The following MEGF10 variants were observed in gnomAD, a reference collection of about 807,000 sequenced individuals.
MEGF10 encodes multiple EGF like domains 10, also known as multiple epidermal growth factor-like domains protein 10.
MEGF10 carries 86 observed loss-of-function variants against 147.5 expected under a neutral mutation model. That is an observed-to-expected ratio of 0.58 (90% CI 0.49 to 0.70). The LOEUF (loss-of-function observed/expected upper bound fraction) is 0.70, where lower values mean the gene tolerates loss of function less well. Among genes scored for constraint, MEGF10 ranks in the 30% least tolerant of loss-of-function variants. The pLI, the probability that MEGF10 is intolerant of heterozygous loss-of-function variation, is 0.00. For missense variants in MEGF10, 1,329 were observed against 1,487.3 expected, an observed-to-expected ratio of 0.89 and a Z score of 1.75; for synonymous variants, 478 against 525.5, an observed-to-expected ratio of 0.91 and a Z score of 1.24.
At chr5:127,247,387 A>G in the MEGF10 span, among the ~76,000 whole-genome samples, 923 of 25,858 alleles carry the variant, frequency 0.036, 82 homozygotes, top group African/African-American at 0.052. Context: ...GAAGAAGAAG[A>G]AGAAGAAGAA....
intron 4 of MEGF10, among the ~76,000 whole-genome samples, chr5:127,345,304 T>C (rs988657753): frequency 5.9e-5 from 9 of 152,146 alleles, no homozygotes; most frequent in Non-Finnish European, 8.8e-5. Context: ...CAGATTCTGA[T>C]TCCATGGGTC....
chr5:127,381,368 GA>G (rs61705673), intron 5 of MEGF10, among the ~76,000 whole-genome samples: 5,264 of 152,298 alleles, frequency 0.035, 306 homozygotes, highest in African/African-American at 0.12. Flanking sequence ...ACAGGGAGCA[GA>G]AATATTAGAT....
the MEGF10 span, among the ~76,000 whole-genome samples, chr5:127,282,553 T>C: frequency 6.6e-6 from 1 of 152,236 alleles, no homozygotes; most frequent in Non-Finnish European, 1.5e-5. Flanking sequence ...CTGTGTCCAG[T>C]ATAGTTTATT....
chr5:127,370,280 A>T (rs1299363823), intron 5 of MEGF10, among the ~76,000 whole-genome samples: 1 of 152,226 alleles, frequency 6.6e-6, no homozygotes, highest in Non-Finnish European at 1.5e-5. Context: ...TTTCTAGAGT[A>T]GGGTCCACAA....
At chr5:127,415,179 C>A (rs773762821) in intron 9 of MEGF10, among the ~76,000 whole-genome samples, 1 of 152,070 alleles carries the variant, frequency 6.6e-6, no homozygotes, top group Non-Finnish European at 1.5e-5. Flanking sequence ...TAGGCAGTGG[C>A]CAGATGATGA....
intron 3 of MEGF10, 54 bp from the exon 4 acceptor site, chr5:127,340,476 C>A: frequency 7.2e-7 from 1 of 1,385,088 alleles, no homozygotes; most frequent in South Asian, 1.2e-5. Context: ...GTTTGAAATA[C>A]TTTGCTTTTC....
At chr5:127,361,953 G>C (rs1482512979) in intron 4 of MEGF10, among the ~76,000 whole-genome samples, 1 of 152,014 alleles carries the variant, frequency 6.6e-6, no homozygotes, top group African/African-American at 2.4e-5. Flanking sequence ...AATATAACTT[G>C]ATTATTGTTC....
the MEGF10 span, among the ~76,000 whole-genome samples, chr5:127,269,989 A>C: frequency 6.6e-6 from 1 of 152,236 alleles, no homozygotes; most frequent in Non-Finnish European, 1.5e-5. Context: ...ACTAAGCTTC[A>C]TAAGTGAAGG....
chr5:127,301,388 G>T (rs1310953933), intron 1 of MEGF10, among the ~76,000 whole-genome samples: 1 of 151,738 alleles, frequency 6.6e-6, no homozygotes, highest in Non-Finnish European at 1.5e-5. Flanking sequence ...GAAAATAGGA[G>T]CATTTTTTTT....
At chr5:127,356,655 T>C (rs2126831313) in intron 4 of MEGF10, among the ~76,000 whole-genome samples, 1 of 152,342 alleles carries the variant, frequency 6.6e-6, no homozygotes, top group South Asian at 2.1e-4. Context: ...AAAGGAAATA[T>C]GCCACCATGA....
intron 2 of MEGF10, among the ~76,000 whole-genome samples, chr5:127,332,300 T>C (rs1196330607): frequency 6.6e-6 from 1 of 151,402 alleles, no homozygotes; most frequent in Non-Finnish European, 1.5e-5. Flanking sequence ...GCAAGTGTTT[T>C]AAACAAAGAG....
intron 5 of MEGF10, among the ~76,000 whole-genome samples, chr5:127,387,782 G>A (rs1303218434): frequency 6.6e-6 from 1 of 152,176 alleles, no homozygotes; most frequent in Non-Finnish European, 1.5e-5. Flanking sequence ...TAAAATAGCT[G>A]CATAATGTCC....
At chr5:127,447,124 T>C (rs1765963200) in intron 20 of MEGF10, among the ~76,000 whole-genome samples, 1 of 152,184 alleles carries the variant, frequency 6.6e-6, no homozygotes, top group African/African-American at 2.4e-5. Context: ...AGGAGGAGAT[T>C]CTGCCCAGCT....
the MEGF10 span, among the ~76,000 whole-genome samples, chr5:127,247,393 AAGAAGAAGAAGAAG>A: frequency 2.8e-5 from 1 of 36,230 alleles, no homozygotes; most frequent in Non-Finnish European, 5.4e-5. Context: ...GAAGAAGAAG[AAGAAGAAGAAGAAG>A]AAGAAGAAGA....
the MEGF10 span, among the ~76,000 whole-genome samples, chr5:127,264,101 A>G: frequency 6.2e-4 from 95 of 152,248 alleles, no homozygotes; most frequent in East Asian, 4.2e-3. Flanking sequence ...TCCCTTTTCA[A>G]TTTAGGCCCA....
Position 127,410,526 on chromosome 5 carries a change from C to T in MEGF10, c.1055C>T (p.Ala352Val), listed in dbSNP as rs373605999. Residue 352 changes from alanine to valine, a missense_variant, in exon 9 of 25, where the codon GCA becomes GTA. Physicochemically the swap from Ala to Val is moderately conservative, Grantham distance 64. Around this residue, in one of 3 missense-constraint regions of MEGF10, gnomAD observed 980 missense variants for 1,085.9 expected, o/e 0.90. Coordinates refer to ENST00000503335, the MANE Select transcript of MEGF10 (RefSeq NM_001256545.2). ...EAGFAGERCE[A>V]RLCPEGLYGI... ...GGCTTTGCTGGCGAGCGCTGCGAAG[C>T]ACGCCTGTGTCCTGAGGGGCTCTAC... The T allele has an allele frequency of 1.9e-6, 3 of 1,613,634 alleles. No individual in the cohort carries two copies. The African/African-American group carries it at 4.0e-5, about 22-fold the overall frequency.
At chr5:127,259,964 C>T in the MEGF10 span, among the ~76,000 whole-genome samples, 1 of 152,028 alleles carries the variant, frequency 6.6e-6, no homozygotes, top group African/African-American at 2.4e-5. Flanking sequence ...CGAGACCAGC[C>T]TGGCCAACAT....
At chr5:127,307,446 G>C (rs1335574369) in intron 1 of MEGF10, among the ~76,000 whole-genome samples, 1 of 152,188 alleles carries the variant, frequency 6.6e-6, no homozygotes, top group East Asian at 1.9e-4. Context: ...TGGCCACGGA[G>C]CTGCACACCG....
chr5:127,373,609 G>A (rs1197055258), intron 5 of MEGF10, among the ~76,000 whole-genome samples: 1 of 152,098 alleles, frequency 6.6e-6, no homozygotes, highest in Non-Finnish European at 1.5e-5. Context: ...TTGTAGAGTG[G>A]TATTTATAAA....
Sources: gnomAD v4.1 joint callset for allele counts (sites outside exome capture counted in the v4.1 genomes callset) on GRCh38, gnomAD v4.1.1 for gene constraint, gnomAD v4.1.1 regional missense constraint, MANE v1.5 for transcripts, NCBI Gene and HGNC (gene_info 2026-07-23, HGNC 2026-07-21) for gene names.